Variants in EXOC4 observed in about 807,000 individuals in gnomAD.
EXOC4 encodes SEC8-like 1.
Under a neutral mutation model 107.2 loss-of-function variants are expected in EXOC4, and 71 were observed. The observed-to-expected ratio is 0.66, with a 90% confidence interval of 0.55 to 0.81. The LOEUF (loss-of-function observed/expected upper bound fraction) is 0.81. EXOC4 is among the 30% of genes least tolerant of loss of function. The pLI, the probability that EXOC4 is intolerant of heterozygous loss-of-function variation, is 0.00. For synonymous variants in EXOC4, 456 were observed against 441.2 expected (o/e 1.03, Z -0.42); for missense variants, 1,108 against 1,189.6 (o/e 0.93, Z 1.01).
intron 12 of EXOC4, among the ~76,000 whole-genome samples, chr7:133,900,105 T>C (rs1362840733): frequency 6.6e-6 from 1 of 152,180 alleles, no homozygotes; most frequent in African/African-American, 2.4e-5. Flanking sequence ...TAGTGTGTCC[T>C]ATCATTGCAT....
intron 10 of EXOC4, among the ~76,000 whole-genome samples, chr7:133,680,915 G>A (rs1794173202): frequency 6.6e-6 from 1 of 152,082 alleles, no homozygotes; most frequent in Non-Finnish European, 1.5e-5. Flanking sequence ...ATATAGCAAA[G>A]TAATCAAACT....
intron 5 of EXOC4, among the ~76,000 whole-genome samples, chr7:133,343,666 G>A (rs1392282898): frequency 6.7e-6 from 1 of 148,680 alleles, no homozygotes; most frequent in Non-Finnish European, 1.5e-5. Context: ...TCTTTTCTTA[G>A]TTTTGGAATT....
chr7:133,608,730 G>A (rs1189093206), intron 9 of EXOC4, among the ~76,000 whole-genome samples: 2 of 151,522 alleles, frequency 1.3e-5, no homozygotes, highest in Non-Finnish European at 2.9e-5. Context: ...TCTATTTTTA[G>A]TAGAGACAGG....
chr7:133,977,072 C>CT (rs1490550403), intron 14 of EXOC4, among the ~76,000 whole-genome samples: 1 of 152,180 alleles, frequency 6.6e-6, no homozygotes, highest in Non-Finnish European at 1.5e-5. Context: ...TTGTAACACA[C>CT]TGAGTGTGCT....
intron 7 of EXOC4, among the ~76,000 whole-genome samples, chr7:133,376,324 G>T (rs541724141): frequency 6.6e-6 from 1 of 152,182 alleles, no homozygotes; most frequent in African/African-American, 2.4e-5. Context: ...TGGGTTGGAG[G>T]CTGGTTATTT....
intron 9 of EXOC4, among the ~76,000 whole-genome samples, chr7:133,617,122 C>G (rs1385787144): frequency 6.6e-6 from 1 of 152,102 alleles, no homozygotes; most frequent in Non-Finnish European, 1.5e-5. Context: ...TTATATTTCA[C>G]TATATCAAGT....
intron 10 of EXOC4, among the ~76,000 whole-genome samples, chr7:133,757,878 T>A (rs1795951606): frequency 1.3e-5 from 2 of 152,202 alleles, no homozygotes; most frequent in Non-Finnish European, 2.9e-5. Context: ...TATCTTAAAA[T>A]TTTTAACACA....
chr7:133,630,225 A>G (rs1024292203), intron 10 of EXOC4, 84 bp downstream of exon 10: 25 of 1,039,420 alleles, frequency 2.4e-5, no homozygotes, highest in Middle Eastern at 4.3e-4. Flanking sequence ...TTGTTGAGTC[A>G]GCACTGAAAC....
intron 14 of EXOC4, among the ~76,000 whole-genome samples, chr7:133,948,962 G>A (rs1239775822): frequency 6.6e-6 from 1 of 152,210 alleles, no homozygotes; most frequent in Non-Finnish European, 1.5e-5. Flanking sequence ...AGGCAATGCT[G>A]TTGTTCAGCT....
intron 14 of EXOC4, among the ~76,000 whole-genome samples, chr7:133,957,836 G>T (rs1314059182): frequency 2.6e-5 from 4 of 152,178 alleles, no homozygotes; most frequent in Non-Finnish European, 5.9e-5. Context: ...AATTAGCCAT[G>T]TTGCAATCTC....
intron 9 of EXOC4, among the ~76,000 whole-genome samples, chr7:133,537,296 A>ACCCCCCC (rs373040586): frequency 1.0e-4 from 13 of 128,052 alleles, no homozygotes; most frequent in African/African-American, 4.1e-4. Context: ...GATTACAGGC[A>ACCCCCCC]CCCCCCCCCC....
chr7:133,334,703 C>T (rs372258997), intron 5 of EXOC4, among the ~76,000 whole-genome samples: 7 of 151,920 alleles, frequency 4.6e-5, no homozygotes, highest in Admixed American at 6.6e-5. Context: ...TTCTCTCCCT[C>T]CTCCCACCCT....
At chr7:133,921,393 C>A (rs1727695410) in intron 13 of EXOC4, among the ~76,000 whole-genome samples, 2 of 152,176 alleles carry the variant, frequency 1.3e-5, no homozygotes, top group Admixed American at 1.3e-4. Flanking sequence ...CACAGACACA[C>A]CAGAAATGTT....
rs534684995 is a variant in EXOC4, at chr7:133,270,604, G to A, written c.87-4378G>A. Among the ~76,000 whole-genome samples, 3 of 152,288 alleles carry A rather than the reference G, an allele frequency of 2.0e-5. No homozygotes were observed. The South Asian group carries it at 6.2e-4, about 32-fold the overall frequency. On this transcript the variant is annotated intron_variant, in intron 1 of 17. Coordinates refer to ENST00000253861, the MANE Select transcript of EXOC4 (RefSeq NM_021807.4). The stretch of plus-strand genomic sequence containing the variant: ...TGTGTTACAGAAAAAGATGAGACTA[G>A]GATCAATGGGTAGAAATTAGAAAGA...
At chr7:133,826,985 C>T (rs1797718920) in intron 11 of EXOC4, among the ~76,000 whole-genome samples, 1 of 152,102 alleles carries the variant, frequency 6.6e-6, no homozygotes, top group African/African-American at 2.4e-5. Flanking sequence ...TGCGTCATTC[C>T]CTGAGTACCT....
At chr7:133,480,621 C>T (rs1392603483) in intron 9 of EXOC4, 2 of 173,836 alleles carry the variant, frequency 1.2e-5, no homozygotes, top group Admixed American at 6.1e-5. Context: ...CTATTTGATA[C>T]CCATGTATAG....
At chr7:133,640,543 G>A (rs1187485893) in intron 10 of EXOC4, among the ~76,000 whole-genome samples, 1 of 152,096 alleles carries the variant, frequency 6.6e-6, no homozygotes. Flanking sequence ...TTCTTATCTT[G>A]TGGGGCCAAG....
chr7:134,069,654 A>G (rs1271341548), downstream of EXOC4, among the ~76,000 whole-genome samples: 1 of 151,972 alleles, frequency 6.6e-6, no homozygotes, highest in African/African-American at 2.4e-5. Context: ...ATGCCCAGAT[A>G]ATTTTTGTAT....
the EXOC4 span, among the ~76,000 whole-genome samples, chr7:134,086,447 C>A: frequency 6.6e-6 from 1 of 152,124 alleles, no homozygotes; most frequent in African/African-American, 2.4e-5. Flanking sequence ...TGTAGGGGAG[C>A]AAACATAATT....
Sources: gnomAD v4.1 joint callset for allele counts (sites outside exome capture counted in the v4.1 genomes callset) on GRCh38, gnomAD v4.1.1 for gene constraint, MANE v1.5 for transcripts, NCBI Gene and HGNC (gene_info 2026-07-23, HGNC 2026-07-21) for gene names.